The following SLC35F2 variants were observed in gnomAD, a reference collection of about 807,000 sequenced individuals.
SLC35F2 encodes queuine/queuosine transporter SLC35F2.
In SLC35F2, 25 loss-of-function variants were observed where a neutral mutation model predicts 38.1. The ratio of observed to expected loss-of-function variants is 0.66; its 90% CI spans 0.48 to 0.92. The LOEUF is 0.92. Among genes scored for constraint, SLC35F2 ranks in the 40% least tolerant of loss-of-function variants. The probability of loss-of-function intolerance (pLI) is 0.00; values close to 1 mark genes in which losing one functional copy is unlikely to be tolerated. For synonymous variants in SLC35F2, 173 were observed against 181.7 expected (o/e 0.95, Z 0.38); for missense variants, 409 against 452.9 (o/e 0.90, Z 0.88).
At chr11:107,823,106 G>T (rs939096610) in intron 1 of SLC35F2, 1 of 970,536 alleles carries the variant, frequency 1.0e-6, no homozygotes, top group Admixed American at 6.2e-5. Context: ...AAAATCACTG[G>T]GCTTTAAAAA....
chr11:107,828,210 G>A (rs7118580), intron 1 of SLC35F2, among the ~76,000 whole-genome samples: 8,781 of 152,244 alleles, frequency 0.058, 523 homozygotes, highest in African/African-American at 0.15. Flanking sequence ...GCTGAGGCAG[G>A]TGGATCACGA....
chr11:107,805,882 G>A (rs1245496194), intron 4 of SLC35F2, among the ~76,000 whole-genome samples: 1 of 152,160 alleles, frequency 6.6e-6, no homozygotes. Context: ...CTGACCTCAA[G>A]TGATCCGCTC....
intron 3 of SLC35F2, chr11:107,811,079 G>A (rs774138839): frequency 3.0e-4 from 292 of 985,108 alleles, no homozygotes; most frequent in Non-Finnish European, 3.5e-4. Flanking sequence ...GTCAGTGTTA[G>A]GAAACATCCC....
intron 1 of SLC35F2, among the ~76,000 whole-genome samples, chr11:107,851,603 CT>C (rs1860188253): frequency 6.7e-6 from 1 of 150,318 alleles, no homozygotes; most frequent in Non-Finnish European, 1.5e-5. Context: ...GGATGTAATC[CT>C]TTATACAATG....
At position 107,792,851 on chromosome 11, in the gene SLC35F2, G is replaced by C. The variant is rs781115224; in HGVS notation, c.940-51C>G. The C allele has an allele frequency of 2.7e-6, 4 of 1,463,480 alleles. No homozygotes were observed. The East Asian group carries it at 1.0e-4, about 38-fold the overall frequency. 90.7% of individuals were successfully genotyped at this position (1,463,480 alleles called of 1,614,324 possible). A position where few individuals can be genotyped will look rare whatever the true frequency, so the allele number is the denominator to read the frequency against. On this transcript the variant is annotated intron_variant, in intron 7 of 7. Coordinates refer to ENST00000525815, the MANE Select transcript of SLC35F2 (RefSeq NM_017515.5). ...TTGTGCCCCTCACATACACATCTTTGCTGCTGGCTTTTGCCAACTGTGCTT... is the reference window on the plus strand; with the variant it reads ...TTGTGCCCCTCACATACACATCTTTCCTGCTGGCTTTTGCCAACTGTGCTT...
chr11:107,815,136 T>A (rs1404221590), intron 2 of SLC35F2, among the ~76,000 whole-genome samples: 1 of 152,138 alleles, frequency 6.6e-6, no homozygotes, highest in Non-Finnish European at 1.5e-5. Flanking sequence ...TTACCATCTT[T>A]ATTTAGTTGG....
At chr11:107,827,272 G>A (rs1454552241) in intron 1 of SLC35F2, among the ~76,000 whole-genome samples, 1 of 151,998 alleles carries the variant, frequency 6.6e-6, no homozygotes, top group Non-Finnish European at 1.5e-5. Flanking sequence ...CATTAATTAT[G>A]AACACCCCTA....
intron 7 of SLC35F2, among the ~76,000 whole-genome samples, chr11:107,795,821 C>A (rs1859208469): frequency 1.3e-5 from 2 of 152,130 alleles, no homozygotes; most frequent in South Asian, 4.1e-4. Context: ...AAATAACATG[C>A]TGGCAAGGAT....
chr11:107,838,831 A>G (rs1184087012), intron 1 of SLC35F2, among the ~76,000 whole-genome samples: 35 of 117,558 alleles, frequency 3.0e-4, no homozygotes, highest in South Asian at 8.8e-4. Flanking sequence ...GTTTCGCCAT[A>G]TTGCCCAAGC....
At chr11:107,821,860 G>T (rs78012367) in intron 1 of SLC35F2, among the ~76,000 whole-genome samples, 1,893 of 152,296 alleles carry the variant, frequency 0.012, 49 homozygotes, top group African/African-American at 0.043. Context: ...CTGAGGGCAG[G>T]AGTGGACAAA....
At chr11:107,836,198 C>T (rs1859927871) in intron 1 of SLC35F2, among the ~76,000 whole-genome samples, 2 of 150,106 alleles carry the variant, frequency 1.3e-5, no homozygotes, top group African/African-American at 2.5e-5. Flanking sequence ...GTTTCCTTGA[C>T]ATTTTATGAA....
At chr11:107,800,900 C>T (rs2847189) in intron 7 of SLC35F2, among the ~76,000 whole-genome samples, 93,732 of 145,920 alleles carry the variant, frequency 0.64, 30,735 homozygotes, top group African/African-American at 0.79. Flanking sequence ...AAAGCTATTA[C>T]TACTTTTTTT....
chr11:107,856,803 G>T (rs1255392984), intron 1 of SLC35F2, among the ~76,000 whole-genome samples: 5 of 124,388 alleles, frequency 4.0e-5, no homozygotes, highest in Non-Finnish European at 6.9e-5. Context: ...TCCAAGAAGG[G>T]AGGGAGGGAG....
At chr11:107,800,289 C>T (rs371647724) in intron 7 of SLC35F2, among the ~76,000 whole-genome samples, 1 of 149,884 alleles carries the variant, frequency 6.7e-6, no homozygotes, top group Non-Finnish European at 1.5e-5. Context: ...CAGCTGGTTC[C>T]TTCACATGTA....
chr11:107,800,784 C>T (rs1859295275), intron 7 of SLC35F2, among the ~76,000 whole-genome samples: 1 of 151,982 alleles, frequency 6.6e-6, no homozygotes, highest in Non-Finnish European at 1.5e-5. Context: ...TGGGGTTTTA[C>T]CATGTTGTCC....
At chr11:107,811,475 G>A (rs920368248) in intron 3 of SLC35F2, among the ~76,000 whole-genome samples, 192 bp downstream of exon 3, 1 of 152,206 alleles carries the variant, frequency 6.6e-6, no homozygotes, top group Admixed American at 6.5e-5. Flanking sequence ...GGCAGCTTAA[G>A]TTGTATACAT....
chr11:107,817,855 C>T lies in SLC35F2; in HGVS notation c.111-1890G>A, dbSNP rs573129113. On this transcript the variant is annotated intron_variant, in intron 1 of 7. Coordinates refer to ENST00000525815, the MANE Select transcript of SLC35F2 (RefSeq NM_017515.5). The stretch of plus-strand genomic sequence containing the variant: ...CAGGCGGATCACAAAGTCAGGAGTT[C>T]GAGACCAGCCTAACCAACATGGTCA... Among the ~76,000 whole-genome samples, 57 of 150,736 alleles carry T rather than the reference C, an allele frequency of 3.8e-4. No individual in the cohort carries two copies. The East Asian group carries it at 3.9e-3, about 10-fold the overall frequency.
chr11:107,855,087 A>C (rs1456657679), intron 1 of SLC35F2, among the ~76,000 whole-genome samples: 2 of 152,194 alleles, frequency 1.3e-5, no homozygotes, highest in Non-Finnish European at 2.9e-5. Context: ...GATAAAGAGA[A>C]ACTGCAATCC....
intron 1 of SLC35F2, among the ~76,000 whole-genome samples, chr11:107,838,506 G>A (rs1397725034): frequency 6.6e-6 from 1 of 151,364 alleles, no homozygotes; most frequent in Non-Finnish European, 1.5e-5. Context: ...TGTATTTTTC[G>A]TAGAGATGGG....
Sources: gnomAD v4.1 joint callset for allele counts (sites outside exome capture counted in the v4.1 genomes callset) on GRCh38, gnomAD v4.1.1 for gene constraint, MANE v1.5 for transcripts, NCBI Gene and HGNC (gene_info 2026-07-23, HGNC 2026-07-21) for gene names.